DCAF6: variants seen among roughly 807,000 people sequenced by gnomAD.
The protein encoded by DCAF6 is DDB1- and CUL4-associated factor 6.
DCAF6 carries 54 observed loss-of-function variants against 125.1 expected under a neutral mutation model. That is an observed-to-expected ratio of 0.43 (90% CI 0.35 to 0.54). The LOEUF is 0.54. Among genes scored for constraint, DCAF6 ranks in the 20% least tolerant of loss-of-function variants. DCAF6 has a pLI of 0.01. For synonymous variants in DCAF6, 371 were observed against 390.4 expected, an observed-to-expected ratio of 0.95 and a Z score of 0.58; for missense variants, 934 against 1,161.7, an observed-to-expected ratio of 0.80 and a Z score of 2.85.
chr1:167,944,674 G>A (rs973639555), intron 1 of DCAF6, among the ~76,000 whole-genome samples: 3 of 152,024 alleles, frequency 2.0e-5, no homozygotes, highest in Non-Finnish European at 4.4e-5. Context: ...TTGTTGAATC[G>A]TTTGAGTTCC....
At chr1:167,951,932 C>G in intron 2 of DCAF6, 71 bp downstream of exon 2, 1 of 930,116 alleles carries the variant, frequency 1.1e-6, no homozygotes, top group Non-Finnish European at 1.7e-6. Flanking sequence ...TGAAATGTCC[C>G]AATCCTCCCA....
chr1:168,001,531 AAGG>A (rs1212107809), intron 7 of DCAF6, among the ~76,000 whole-genome samples: 45 of 152,188 alleles, frequency 3.0e-4, no homozygotes, highest in Non-Finnish European at 1.5e-4. Flanking sequence ...CAGTGGATTG[AAGG>A]AGGAGTGGTA....
intron 4 of DCAF6, among the ~76,000 whole-genome samples, chr1:167,982,512 AT>A (rs1679352736): frequency 6.6e-6 from 1 of 152,184 alleles, no homozygotes; most frequent in African/African-American, 2.4e-5. Flanking sequence ...AAGTGCTGAG[AT>A]TACAGGCATG....
intron 1 of DCAF6, among the ~76,000 whole-genome samples, chr1:167,938,868 G>A (rs977523434): frequency 1.3e-5 from 2 of 152,090 alleles, no homozygotes; most frequent in African/African-American, 4.8e-5. Context: ...TAATGGAAAT[G>A]GAATTTGTGT....
chr1:167,923,171 T>G, the DCAF6 span, among the ~76,000 whole-genome samples: 1 of 152,352 alleles, frequency 6.6e-6, no homozygotes, highest in East Asian at 1.9e-4. Flanking sequence ...AATTATCATA[T>G]GATCTAGCAA....
rs559400117 is a variant in DCAF6 at position 167,963,589 on chromosome 1, C to T, written c.160-3040C>T. Reference sequence around the variant, plus strand: ...CTGAGTAGCTGGGATGCCACCACACCCAGCTAATTTTTGTGTTTTAGTAGA... The same window carrying T: ...CTGAGTAGCTGGGATGCCACCACACTCAGCTAATTTTTGTGTTTTAGTAGA... On this transcript the variant is annotated intron_variant, in intron 2 of 21. Transcript: ENST00000367840. 9.3e-5 allele frequency among the ~76,000 whole-genome samples: 13 copies of T among 139,694 alleles called. No homozygotes were observed. The South Asian group carries it at 2.8e-3, about 30-fold the overall frequency. 91.6% of individuals were successfully genotyped at this position (139,694 alleles called of 152,430 possible).
chr1:168,006,223 A>T (rs1211378548), intron 10 of DCAF6, among the ~76,000 whole-genome samples: 1 of 152,158 alleles, frequency 6.6e-6, no homozygotes, highest in African/African-American at 2.4e-5. Flanking sequence ...CAAATTGCTA[A>T]ATTCCTTTCA....
chr1:168,068,188 A>G (rs950845791), intron 20 of DCAF6, among the ~76,000 whole-genome samples, 170 bp from the exon 21 acceptor site: 2 of 152,204 alleles, frequency 1.3e-5, no homozygotes, highest in East Asian at 3.8e-4. Context: ...TACAAGTTAC[A>G]GTGATTATTT....
intron 13 of DCAF6, among the ~76,000 whole-genome samples, chr1:168,041,583 C>T (rs930862310): frequency 5.3e-5 from 8 of 151,938 alleles, no homozygotes; most frequent in Admixed American, 4.6e-4. Flanking sequence ...TTTGGTTTTA[C>T]CACATGGCTG....
intron 16 of DCAF6, among the ~76,000 whole-genome samples, chr1:168,047,489 T>C (rs1689276551): frequency 6.6e-6 from 1 of 152,148 alleles, no homozygotes; most frequent in Non-Finnish European, 1.5e-5. Context: ...TTTAATATTC[T>C]GTACACTCAT....
the DCAF6 span, chr1:167,902,006 G>GC: frequency 6.2e-7 from 1 of 1,612,062 alleles, no homozygotes; most frequent in African/African-American, 1.3e-5. Context: ...ATCTTAGTAA[G>GC]CCCCCATACC....
chr1:167,887,566 G>A, the DCAF6 span, among the ~76,000 whole-genome samples: 1 of 151,954 alleles, frequency 6.6e-6, no homozygotes, highest in African/African-American at 2.4e-5. Context: ...GAAGGGGGAG[G>A]GATAGCATTA....
At chr1:168,075,225 T>G in intron 21 of DCAF6, 146 bp from the exon 22 acceptor site, 1 of 662,980 alleles carries the variant, frequency 1.5e-6, no homozygotes. Flanking sequence ...CTGTGTTTTC[T>G]TTACTCTTTT....
intron 15 of DCAF6, 73 bp from the exon 16 acceptor site, chr1:168,044,827 G>C: frequency 6.6e-7 from 1 of 1,522,192 alleles, no homozygotes; most frequent in South Asian, 1.2e-5. Context: ...GTGTTTGTGA[G>C]CTCCTAAGTT....
the DCAF6 span, among the ~76,000 whole-genome samples, chr1:167,925,442 C>CATATATAT: frequency 0.028 from 2,306 of 82,154 alleles, 48 homozygotes; most frequent in South Asian, 0.036. Context: ...TACATATACA[C>CATATATAT]ATATATATAT....
chr1:167,999,276 G>A (rs1682238109), intron 7 of DCAF6, among the ~76,000 whole-genome samples: 1 of 152,098 alleles, frequency 6.6e-6, no homozygotes, highest in Non-Finnish European at 1.5e-5. Flanking sequence ...CCCTCATCCA[G>A]GCTTTGTTAT....
intron 3 of DCAF6, among the ~76,000 whole-genome samples, chr1:167,971,544 G>T (rs1005439017): frequency 6.6e-6 from 1 of 152,092 alleles, no homozygotes; most frequent in Admixed American, 6.5e-5. Context: ...GATACTTTTG[G>T]ACTGAGCTTC....
chr1:168,026,581 A>G (rs1686368934), intron 12 of DCAF6, among the ~76,000 whole-genome samples: 1 of 152,156 alleles, frequency 6.6e-6, no homozygotes, highest in African/African-American at 2.4e-5. Context: ...TGGGACTTTG[A>G]GACTGATAAG....
chr1:168,037,822 T>C (rs1354106807), intron 12 of DCAF6, among the ~76,000 whole-genome samples: 1 of 152,194 alleles, frequency 6.6e-6, no homozygotes, highest in Non-Finnish European at 1.5e-5. Flanking sequence ...GCACTATAAA[T>C]ACCACCCTCT....
Sources: gnomAD v4.1 joint callset for allele counts (sites outside exome capture counted in the v4.1 genomes callset) on GRCh38, gnomAD v4.1.1 for gene constraint, MANE v1.5 for transcripts, NCBI Gene and HGNC (gene_info 2026-07-23, HGNC 2026-07-21) for gene names.